PIP5K1B: variants seen among roughly 807,000 people sequenced by gnomAD.
PIP5K1B encodes the protein phosphatidylinositol-4-phosphate 5-kinase type 1 beta, also known as phosphatidylinositol 4-phosphate 5-kinase type-1 beta.
PIP5K1B carries 42 observed loss-of-function variants against 67.0 expected under a neutral mutation model. The observed-to-expected ratio is 0.63, with a 90% CI of 0.49 to 0.81. The LOEUF is 0.81. Among genes scored for constraint, PIP5K1B ranks in the 30% least tolerant of loss-of-function variants. The pLI, the probability that PIP5K1B is intolerant of heterozygous loss-of-function variation, is 0.00. For synonymous variants in PIP5K1B, 214 were observed against 231.4 expected (o/e 0.92, Z 0.68); for missense variants, 459 against 646.3 (o/e 0.71, Z 3.14).
intron 4 of PIP5K1B, among the ~76,000 whole-genome samples, chr9:68,863,138 C>A (rs1298828894): frequency 6.6e-6 from 1 of 152,048 alleles, no homozygotes; most frequent in Non-Finnish European, 1.5e-5. Context: ...GTGCAGCATC[C>A]CTGGCCTCTA....
At position 69,008,759 on chromosome 9, in the gene PIP5K1B, A is replaced by G. The variant is rs1458507544; in HGVS notation, c.*310A>G. The G allele has an allele frequency of 7.1e-5, 23 of 324,548 alleles. No homozygotes were observed. The Admixed American group carries it at 8.7e-4, about 12-fold the overall frequency. 20.1% of individuals were successfully genotyped at this position (324,548 alleles called of 1,614,324 possible). On this transcript the variant is annotated 3_prime_UTR_variant, in exon 16 of 16. Coordinates refer to ENST00000265382, the MANE Select transcript of PIP5K1B (RefSeq NM_003558.4). ...TTGGAGTTGGAAGTGCTATTTTCCTATGGACTTTTGCATTATTTCATTGTG... is the reference window on the plus strand; with the variant it reads ...TTGGAGTTGGAAGTGCTATTTTCCTGTGGACTTTTGCATTATTTCATTGTG...
intron 2 of PIP5K1B, among the ~76,000 whole-genome samples, chr9:68,760,864 T>A (rs559345404): frequency 1.3e-5 from 2 of 152,258 alleles, no homozygotes; most frequent in East Asian, 1.9e-4. Flanking sequence ...TTTGGCTTCA[T>A]TCTAAAGAGT....
chr9:68,926,393 C>T (rs1359842713), intron 12 of PIP5K1B, among the ~76,000 whole-genome samples: 1 of 152,018 alleles, frequency 6.6e-6, no homozygotes, highest in Non-Finnish European at 1.5e-5. Context: ...TTGTTTAACT[C>T]ACGGGTAATC....
intron 4 of PIP5K1B, chr9:68,824,137 T>C: frequency 1.9e-6 from 1 of 518,994 alleles, no homozygotes; most frequent in South Asian, 1.4e-5. Flanking sequence ...TACCCAAGAT[T>C]CCGTGTACAT....
At chr9:68,944,657 A>C (rs1484542714) in intron 14 of PIP5K1B, among the ~76,000 whole-genome samples, 1 of 152,220 alleles carries the variant, frequency 6.6e-6, no homozygotes, top group African/African-American at 2.4e-5. Flanking sequence ...CTAAATGATG[A>C]GTCCAACATT....
rs558810934 is a variant in PIP5K1B, at chr9:68,735,316, C to CTTTTTTTTTTTTTTTTTTTTTTTTTTT, written c.-242-7183_-242-7157dup. Among the ~76,000 whole-genome samples the CTTTTTTTTTTTTTTTTTTTTTTTTTTT allele has an allele frequency of 3.7e-4, 11 of 29,806 alleles. 3 individuals carry two copies. Among genetic ancestry groups the CTTTTTTTTTTTTTTTTTTTTTTTTTTT allele is most frequent in the Admixed American group, 5.7e-4 (1 of 1,768 alleles). The allele number at this position is 29,806 out of a possible 152,430, so 19.6% of individuals were successfully genotyped here. A position where few individuals can be genotyped will look rare whatever the true frequency, so the allele number is the denominator to read the frequency against. Reference sequence around the variant, plus strand: ...CAGATTTGCTGTTTTCCCCTAGTGTCTTTTTTTTTTTTTTTTTTTTTTTTT... The same window carrying CTTTTTTTTTTTTTTTTTTTTTTTTTTT: ...CAGATTTGCTGTTTTCCCCTAGTGTCTTTTTTTTTTTTTTTTTTTTTTTTTTTTTTTTTTTTTTTTTTTTTTTTTTTT... On this transcript the variant is annotated intron_variant, in intron 1 of 15. Transcript: ENST00000265382.
At chr9:68,939,017 T>G (rs1284909046) in intron 13 of PIP5K1B, among the ~76,000 whole-genome samples, 1 of 152,252 alleles carries the variant, frequency 6.6e-6, no homozygotes, top group East Asian at 1.9e-4. Flanking sequence ...GAGTTACATC[T>G]GCAAAATCCC....
At chr9:68,895,665 T>C (rs1390340526) in intron 8 of PIP5K1B, among the ~76,000 whole-genome samples, 7 of 151,982 alleles carry the variant, frequency 4.6e-5, no homozygotes, top group Non-Finnish European at 7.4e-5. Flanking sequence ...CTGCCTGTTA[T>C]AGCTTGCATG....
At chr9:68,935,281 A>G (rs1827196457) in intron 13 of PIP5K1B, among the ~76,000 whole-genome samples, 1 of 152,202 alleles carries the variant, frequency 6.6e-6, no homozygotes, top group African/African-American at 2.4e-5. Context: ...AGCCTGGCCA[A>G]CATGGCGAAA....
rs185444639 is a variant in PIP5K1B, at chr9:68,854,342, C to T, written c.70-9495C>T. 6.6e-5 allele frequency among the ~76,000 whole-genome samples: 10 copies of T among 152,080 alleles called. No homozygotes were observed. In the East Asian group the frequency reaches 1.9e-3, roughly 29 times the overall value. On this transcript the variant is annotated intron_variant, in intron 4 of 15. Transcript: ENST00000265382. ...AAAAGGTCTTACTATGCGGCCCAGGCTGATCTCATACTCCTAGGCCCAGGT... is the reference window on the plus strand; with the variant it reads ...AAAAGGTCTTACTATGCGGCCCAGGTTGATCTCATACTCCTAGGCCCAGGT...
intron 8 of PIP5K1B, among the ~76,000 whole-genome samples, chr9:68,903,055 G>A (rs1302924857): frequency 3.3e-5 from 5 of 152,194 alleles, no homozygotes; most frequent in Non-Finnish European, 7.3e-5. Context: ...GCACTCCTGT[G>A]AGACTTCATC....
At chr9:68,802,941 G>A (rs1564147398) in intron 2 of PIP5K1B, among the ~76,000 whole-genome samples, 1 of 152,178 alleles carries the variant, frequency 6.6e-6, no homozygotes, top group Non-Finnish European at 1.5e-5. Flanking sequence ...AGTCCCTTTA[G>A]CAATGTTGTT....
At chr9:68,788,740 C>G (rs955077651) in intron 2 of PIP5K1B, 1 of 271,538 alleles carries the variant, frequency 3.7e-6, no homozygotes, top group Non-Finnish European at 7.5e-6. Context: ...TGGCTGGTGA[C>G]TATCACTCCC....
intron 2 of PIP5K1B, among the ~76,000 whole-genome samples, chr9:68,761,343 G>C (rs1443828996): frequency 6.6e-6 from 1 of 152,130 alleles, no homozygotes; most frequent in African/African-American, 2.4e-5. Context: ...TAGTCTGCTG[G>C]AGTTCTTGTC....
chr9:68,889,734 CAAAAAAAAA>C (rs11349016), intron 7 of PIP5K1B, among the ~76,000 whole-genome samples: 1 of 79,756 alleles, frequency 1.3e-5, no homozygotes, highest in East Asian at 4.7e-4. Context: ...GACTCCTTCT[CAAAAAAAAA>C]AAAAAAAAAA....
chr9:68,980,469 T>C (rs890907147), intron 14 of PIP5K1B, among the ~76,000 whole-genome samples: 2 of 152,172 alleles, frequency 1.3e-5, no homozygotes, highest in South Asian at 4.1e-4. Flanking sequence ...GGTCTTACGA[T>C]AAATCTGTCT....
At chr9:68,784,203 G>T (rs538408801) in intron 2 of PIP5K1B, 1 of 167,236 alleles carries the variant, frequency 6.0e-6, no homozygotes, top group South Asian at 2.1e-4. Flanking sequence ...TCTGTAGACT[G>T]TAAGGGCTTA....
intron 6 of PIP5K1B, among the ~76,000 whole-genome samples, chr9:68,885,953 C>T (rs1486720811): frequency 6.6e-6 from 1 of 152,036 alleles, no homozygotes; most frequent in Non-Finnish European, 1.5e-5. Context: ...AGGGCGAGGC[C>T]GGCGGATCAT....
chr9:68,774,062 G>C (rs540398820), intron 2 of PIP5K1B, among the ~76,000 whole-genome samples: 6 of 152,018 alleles, frequency 3.9e-5, no homozygotes, highest in Admixed American at 3.3e-4. Flanking sequence ...CAACAGAGCC[G>C]ACTTTGCTTG....
Sources: gnomAD v4.1 joint callset for allele counts (sites outside exome capture counted in the v4.1 genomes callset) on GRCh38, gnomAD v4.1.1 for gene constraint, MANE v1.5 for transcripts, NCBI Gene and HGNC (gene_info 2026-07-23, HGNC 2026-07-21) for gene names.